FAM13A: variants seen among roughly 807,000 people sequenced by gnomAD.
FAM13A encodes family with sequence similarity 13 member A.
Under a neutral mutation model 129.6 loss-of-function variants are expected in FAM13A, and 76 were observed. The ratio of observed to expected loss-of-function variants is 0.59; its 90% CI spans 0.49 to 0.71. The LOEUF is 0.71. FAM13A is among the 30% of genes least tolerant of loss of function. The pLI, the probability that FAM13A is intolerant of heterozygous loss-of-function variation, is 0.00. For missense variants in FAM13A, 1,108 were observed against 1,249.3 expected (o/e 0.89, Z 1.70); for synonymous variants, 443 against 449.9 (o/e 0.98, Z 0.20).
Position 88,726,075 on chromosome 4 carries a change from A to G in FAM13A, c.*2458T>C, listed in dbSNP as rs1374706927. ...ACACATATTCCCAACACAGCAAAGG[A>G]AAAATCCCAGTCCAGAGCATTTTGT... On this transcript the variant is annotated 3_prime_UTR_variant, in exon 24 of 24. Transcript: ENST00000264344. 1 of 152,220 alleles carries G rather than the reference A, an allele frequency of 6.6e-6. No homozygotes were observed. The highest frequency in any genetic ancestry group is 1.9e-4 in the East Asian group (1 of 5,202). 9.4% of individuals were successfully genotyped at this position (152,220 alleles called of 1,614,324 possible). A position where few individuals can be genotyped will look rare whatever the true frequency, so the allele number is the denominator to read the frequency against.
At chr4:88,954,588 A>C (rs774961031) in intron 4 of FAM13A, among the ~76,000 whole-genome samples, 3 of 152,208 alleles carry the variant, frequency 2.0e-5, no homozygotes, top group Non-Finnish European at 4.4e-5. Context: ...ATATGTTCAA[A>C]ATGCTATGAG....
chr4:88,859,289 C>T (rs1739083937), intron 6 of FAM13A, among the ~76,000 whole-genome samples: 1 of 151,942 alleles, frequency 6.6e-6, no homozygotes, highest in African/African-American at 2.4e-5. Context: ...AAACTGGTGA[C>T]CCAGGAGAGG....
chr4:88,881,470 T>G (rs981706175), intron 6 of FAM13A, among the ~76,000 whole-genome samples: 6 of 152,076 alleles, frequency 3.9e-5, no homozygotes, highest in Admixed American at 3.9e-4. Context: ...AAAAAGCATA[T>G]AAACAGCTGA....
intron 7 of FAM13A, among the ~76,000 whole-genome samples, chr4:88,833,626 C>T (rs998576534): frequency 1.3e-5 from 2 of 152,108 alleles, no homozygotes; most frequent in African/African-American, 4.8e-5. Context: ...TGGCTCACGC[C>T]TGTAATCCCA....
intron 2 of FAM13A, among the ~76,000 whole-genome samples, chr4:89,026,531 CA>C (rs1233238098): frequency 6.6e-6 from 1 of 152,192 alleles, no homozygotes; most frequent in Admixed American, 6.5e-5. Context: ...ACTCACAGTT[CA>C]GCATGGCTGG....
At chr4:88,985,796 CTAAAACT>C (rs1043097320) in intron 4 of FAM13A, among the ~76,000 whole-genome samples, 4 of 150,362 alleles carry the variant, frequency 2.7e-5, no homozygotes, top group African/African-American at 9.9e-5. Flanking sequence ...GTACCATTGA[CTAAAACT>C]TACTTTGTCC....
At position 88,750,439 on chromosome 4, in the gene FAM13A, G is replaced by A; in HGVS notation, c.1925C>T (p.Ser642Phe). The A allele has an allele frequency of 6.2e-7, 1 of 1,613,818 alleles. No homozygotes were observed. The highest frequency in any genetic ancestry group is 1.3e-5 in the African/African-American group (1 of 75,038). ...DTEVPPSPPN[S>F]HSFMRRRSSS... ...AGAAACATACCTCATGAAAGAATGG[G>A]AGTTTGGTGGGGAAGGAGGCACTTC... The change falls in exon 15 of 24, where the codon TCC becomes TTC. Residue 642 changes from serine to phenylalanine, a missense_variant. Ser to Phe is a radical substitution (Grantham distance 155). Transcript: ENST00000264344.
At chr4:88,972,685 G>A (rs1170364583) in intron 4 of FAM13A, among the ~76,000 whole-genome samples, 1 of 151,734 alleles carries the variant, frequency 6.6e-6, no homozygotes, top group African/African-American at 2.4e-5. Context: ...TTGGCTCACT[G>A]CAGCCTCTGC....
At chr4:88,849,124 C>T (rs1335199285) in intron 7 of FAM13A, among the ~76,000 whole-genome samples, 2 of 152,300 alleles carry the variant, frequency 1.3e-5, no homozygotes, top group East Asian at 1.9e-4. Flanking sequence ...GTGTCTAGTA[C>T]ATAATAGGCA....
chr4:88,805,782 C>T lies in FAM13A; in HGVS notation c.1008-730G>A, dbSNP rs183225204. Among the ~76,000 whole-genome samples the T allele has an allele frequency of 5.3e-3, 813 of 152,108 alleles. 6 individuals are homozygous for T. The highest frequency in any genetic ancestry group is 9.4e-3 in the Non-Finnish European group (637 of 68,006). On this transcript the variant is annotated intron_variant, in intron 7 of 23. Transcript: ENST00000264344. ...CTCCCAGGCTCAAGTGATCCTCCCA[C>T]GTCAGCCTCTGGGGTATCTGGGACC...
At chr4:88,730,808 TC>T (rs1158250418) in intron 23 of FAM13A, among the ~76,000 whole-genome samples, 1 of 152,192 alleles carries the variant, frequency 6.6e-6, no homozygotes, top group African/African-American at 2.4e-5. Context: ...TTTCTCTAGC[TC>T]CTTTTATTTA....
At chr4:88,981,713 C>T (rs1009304927) in intron 4 of FAM13A, among the ~76,000 whole-genome samples, 1 of 152,174 alleles carries the variant, frequency 6.6e-6, no homozygotes, top group Non-Finnish European at 1.5e-5. Context: ...ATGCATAGCT[C>T]TTTCACAAAG....
At chr4:89,032,868 C>A (rs1317699570) in intron 1 of FAM13A, among the ~76,000 whole-genome samples, 2 of 152,160 alleles carry the variant, frequency 1.3e-5, no homozygotes, top group Non-Finnish European at 2.9e-5. Context: ...TGAATCAGAT[C>A]CCTTCTCCGG....
At chr4:88,799,163 A>G (rs1345566835) in intron 8 of FAM13A, among the ~76,000 whole-genome samples, 3 of 152,222 alleles carry the variant, frequency 2.0e-5, no homozygotes, top group African/African-American at 7.2e-5. Flanking sequence ...TAAAAATTGT[A>G]TGACAAACAG....
intron 7 of FAM13A, among the ~76,000 whole-genome samples, chr4:88,827,730 T>C (rs867881106): frequency 3.3e-5 from 5 of 152,208 alleles, no homozygotes; most frequent in African/African-American, 1.2e-4. Flanking sequence ...CTGCCTAGGT[T>C]ATCTGTACTC....
chr4:88,778,573 T>G lies in FAM13A; in HGVS notation c.1458+2592A>C, dbSNP rs573571462. On this transcript the variant is annotated intron_variant, in intron 11 of 23. Coordinates refer to ENST00000264344, the MANE Select transcript of FAM13A (RefSeq NM_014883.4). ...CCATATAGCTGGCTCTTGTATTACCTCAGTTCAAGCCATCATCATCTCAAA... is the reference window on the plus strand; with the variant it reads ...CCATATAGCTGGCTCTTGTATTACCGCAGTTCAAGCCATCATCATCTCAAA... Among the ~76,000 whole-genome samples the G allele has an allele frequency of 7.2e-5, 11 of 152,250 alleles. No homozygotes were observed. In the East Asian group the frequency reaches 2.1e-3, roughly 29 times the overall value.
chr4:89,007,245 C>T (rs1442100689), intron 3 of FAM13A, among the ~76,000 whole-genome samples: 3 of 152,116 alleles, frequency 2.0e-5, no homozygotes, highest in African/African-American at 7.2e-5. Flanking sequence ...ATGACTTGCC[C>T]CTAACAAACA....
intron 1 of FAM13A, among the ~76,000 whole-genome samples, chr4:89,032,350 G>T (rs1768811373): frequency 6.6e-6 from 1 of 152,138 alleles, no homozygotes; most frequent in South Asian, 2.1e-4. Flanking sequence ...GTGAAGACTG[G>T]ACTATCTGGA....
chr4:88,994,033 C>A (rs1026898291), intron 3 of FAM13A, among the ~76,000 whole-genome samples: 1 of 151,738 alleles, frequency 6.6e-6, no homozygotes, highest in South Asian at 2.1e-4. Flanking sequence ...GGAAGAATCA[C>A]AAAATATACT....
Sources: allele counts gnomAD v4.1 joint callset (sites outside exome capture counted in the v4.1 genomes callset), GRCh38; gene constraint gnomAD v4.1.1; transcripts MANE v1.5; gene names NCBI Gene and HGNC (gene_info 2026-07-23, HGNC 2026-07-21).